TF: variants seen among roughly 807,000 people sequenced by gnomAD.
The protein encoded by TF is transferrin, also known as serotransferrin.
A neutral mutation model predicts 82.4 loss-of-function variants in TF; 55 were observed. The observed-to-expected ratio is 0.67, with a 90% CI of 0.54 to 0.84. TF has a LOEUF of 0.84. Ranked by LOEUF, TF falls within the 40% of genes least tolerant of loss-of-function variation. The pLI is 0.00. For synonymous variants in TF, 332 were observed against 332.6 expected, an observed-to-expected ratio of 1.00 and a Z score of 0.02; for missense variants, 737 against 868.4, an observed-to-expected ratio of 0.85 and a Z score of 1.90.
intron 11 of TF, among the ~76,000 whole-genome samples, chr3:133,765,326 T>C (rs777605822): frequency 6.6e-6 from 1 of 152,224 alleles, no homozygotes; most frequent in Non-Finnish European, 1.5e-5. Context: ...CAGGGCTCAA[T>C]AGAGAGCCTC....
chr3:133,759,232 A>C lies in TF; in HGVS notation c.1106A>C (p.His369Pro), dbSNP rs1933919122. The change falls in exon 9 of 17, where the codon CAC becomes CCC. Residue 369 changes from histidine to proline, a missense_variant. His to Pro is a moderately conservative substitution (Grantham distance 77, BLOSUM62 -2). Transcript: ENST00000402696. Reference protein sequence around the residue: ...KPVKWCALSHHERLKCDEWSV... With the variant: ...KPVKWCALSHPERLKCDEWSV... Reference sequence around the variant, plus strand: ...GTGAAGTGGTGTGCGCTGAGCCACCACGAGAGGCTCAAGTGTGATGAGTGG... The same window carrying C: ...GTGAAGTGGTGTGCGCTGAGCCACCCCGAGAGGCTCAAGTGTGATGAGTGG... 6.2e-7 allele frequency: 1 copy of C among 1,614,116 alleles called. No individual in the cohort carries two copies. The highest frequency in any genetic ancestry group is 8.5e-7 in the Non-Finnish European group (1 of 1,180,010).
chr3:133,675,203 C>T, the TF span, among the ~76,000 whole-genome samples: 417 of 143,934 alleles, frequency 2.9e-3, 7 homozygotes, highest in East Asian at 0.054. Flanking sequence ...CGAGATCACG[C>T]CACTGCATTC....
intron 2 of TF, among the ~76,000 whole-genome samples, chr3:133,752,672 A>G (rs1350702143): frequency 6.6e-6 from 1 of 152,232 alleles, no homozygotes; most frequent in Non-Finnish European, 1.5e-5. Flanking sequence ...CATAACCTGA[A>G]GTAACAGTGT....
the TF span, among the ~76,000 whole-genome samples, chr3:133,680,655 T>G: frequency 6.6e-6 from 1 of 152,192 alleles, no homozygotes; most frequent in African/African-American, 2.4e-5. Flanking sequence ...TGGTTGTGCT[T>G]CTTACCCTGT....
intron 3 of TF, 133 bp downstream of exon 3, chr3:133,753,836 G>T (rs1204143606): frequency 5.1e-6 from 4 of 787,858 alleles, no homozygotes; most frequent in Non-Finnish European, 8.7e-6. Flanking sequence ...GAGAATGAGG[G>T]GCCCTGTCAG....
chr3:133,771,956 T>C (rs917543752), intron 14 of TF, among the ~76,000 whole-genome samples: 1 of 151,886 alleles, frequency 6.6e-6, no homozygotes, highest in Non-Finnish European at 1.5e-5. Context: ...TCATGTTCAT[T>C]CCCCAACTCC....
chr3:133,664,293 A>T, the TF span, among the ~76,000 whole-genome samples: 4 of 152,152 alleles, frequency 2.6e-5, no homozygotes, highest in African/African-American at 9.7e-5. Context: ...CAAGTACCTT[A>T]TATATAACCT....
rs754351398 is a variant in TF at position 133,775,764 on chromosome 3, T to C, written c.1872+147T>C. ...GCATTGTGCATTTCATGCCATGCAT[T>C]GTGGACTAGAGTATCAGGGTTCAAA... On this transcript the variant is annotated intron_variant, in intron 15 of 16. Transcript: ENST00000402696. The C allele has an allele frequency of 7.3e-4, 607 of 833,442 alleles. 6 individuals are homozygous for C. The highest frequency in any genetic ancestry group is 2.6e-4 in the Admixed American group (12 of 46,146). 51.6% of individuals were successfully genotyped at this position (833,442 alleles called of 1,614,324 possible).
chr3:133,750,071 C>T (rs1933617705), intron 2 of TF, among the ~76,000 whole-genome samples: 1 of 152,148 alleles, frequency 6.6e-6, no homozygotes, highest in South Asian at 2.1e-4. Context: ...GGCTCTCAGT[C>T]CTTGAGAGAG....
chr3:133,748,366 TCAGC>T (rs761348737), intron 1 of TF, 42 bp from the exon 2 acceptor site: 22 of 1,612,070 alleles, frequency 1.4e-5, no homozygotes, highest in Middle Eastern at 1.8e-4. Flanking sequence ...TGTCTCTCCC[TCAGC>T]ATAGGGAGTG....
chr3:133,689,536 T>C, the TF span, among the ~76,000 whole-genome samples: 2 of 152,144 alleles, frequency 1.3e-5, no homozygotes, highest in Non-Finnish European at 2.9e-5. Context: ...AATAAAATAT[T>C]TATAAAATTC....
the TF span, among the ~76,000 whole-genome samples, chr3:133,730,301 C>T: frequency 0.012 from 1,828 of 152,336 alleles, 38 homozygotes; most frequent in African/African-American, 0.041. Context: ...ATTTTCACAT[C>T]AAGTCCTATG....
rs1330945097 is a variant in TF, at chr3:133,787,211, GTATC to G, written c.*8594_*8597del. The G allele has an allele frequency of 6.6e-6, 1 of 152,186 alleles. No homozygotes were observed. The highest frequency in any genetic ancestry group is 1.5e-5 in the Non-Finnish European group (1 of 68,024). The allele number at this position is 152,186 out of a possible 1,614,324, so 9.4% of individuals were successfully genotyped here. ...TAAGAAGTTGCCAGTGTATGACAAA[GTATC>G]TAGTAAAATTAGCACATTTTGCACA... On this transcript the variant is annotated 3_prime_UTR_variant, in exon 17 of 17. Transcript: ENST00000402696.
At chr3:133,734,362 A>G in the TF span, among the ~76,000 whole-genome samples, 2 of 152,218 alleles carry the variant, frequency 1.3e-5, no homozygotes, top group Non-Finnish European at 2.9e-5. Flanking sequence ...GGGAAGGTAC[A>G]AAGTAGGCTT....
the TF span, among the ~76,000 whole-genome samples, chr3:133,665,525 A>G: frequency 2.2e-4 from 33 of 152,052 alleles, 1 homozygote; most frequent in African/African-American, 6.0e-4. Context: ...GTAGGGAATT[A>G]ACTTTTCCCT....
chr3:133,742,578 G>A (rs1033225366), upstream of TF, among the ~76,000 whole-genome samples: 5 of 152,102 alleles, frequency 3.3e-5, no homozygotes, highest in Non-Finnish European at 7.4e-5. Flanking sequence ...CATACAGCCC[G>A]ACCCAGCGGG....
chr3:133,699,872 T>C, the TF span: 1 of 203,876 alleles, frequency 4.9e-6, no homozygotes, highest in African/African-American at 2.3e-5. Context: ...GAAGTTCTTC[T>C]TGTCCCATTT....
At chr3:133,742,118 G>T (rs1449840854), upstream of TF, among the ~76,000 whole-genome samples, 1 of 152,096 alleles carries the variant, frequency 6.6e-6, no homozygotes, top group Non-Finnish European at 1.5e-5. Context: ...TGGGTAGCTG[G>T]CACTACAGGT....
chr3:133,667,538 G>A, the TF span, among the ~76,000 whole-genome samples: 1 of 152,066 alleles, frequency 6.6e-6, no homozygotes, highest in African/African-American at 2.4e-5. Flanking sequence ...AAGCTAGGTA[G>A]GCACCATCAA....
Sources: gnomAD v4.1 joint callset for allele counts (sites outside exome capture counted in the v4.1 genomes callset) on GRCh38, gnomAD v4.1.1 for gene constraint, MANE v1.5 for transcripts, NCBI Gene and HGNC (gene_info 2026-07-23, HGNC 2026-07-21) for gene names.